Variants in GRM5 observed in about 807,000 individuals in gnomAD.
GRM5 encodes the protein metabotropic glutamate receptor 5.
GRM5 carries 19 observed loss-of-function variants against 83.1 expected under a neutral mutation model. That is an observed-to-expected ratio of 0.23 (90% CI 0.16 to 0.34). The LOEUF (loss-of-function observed/expected upper bound fraction) is 0.34. Ranked by LOEUF, GRM5 falls within the 10% of genes least tolerant of loss-of-function variation. GRM5 has a pLI of 1.00. For missense variants in GRM5, 1,160 were observed against 1,588.3 expected (o/e 0.73, Z 4.58); for synonymous variants, 675 against 633.6 (o/e 1.07, Z -0.98).
At chr11:88,516,850 C>T (rs2135089680) in intron 9 of GRM5, among the ~76,000 whole-genome samples, 1 of 152,046 alleles carries the variant, frequency 6.6e-6, no homozygotes, top group African/African-American at 2.4e-5. Context: ...TTAAATCTAC[C>T]ATGGACACCA....
intron 2 of GRM5, among the ~76,000 whole-genome samples, chr11:89,028,381 G>T (rs1008524651): frequency 3.9e-5 from 6 of 152,248 alleles, no homozygotes; most frequent in Admixed American, 3.3e-4. Flanking sequence ...CCAGGAGTTT[G>T]AGGCCAGCCT....
intron 5 of GRM5, among the ~76,000 whole-genome samples, chr11:88,603,735 G>T (rs887136674): frequency 6.6e-6 from 1 of 152,194 alleles, no homozygotes; most frequent in East Asian, 1.9e-4. Flanking sequence ...TTTGGGATAA[G>T]CTCCAGCTCA....
At chr11:88,640,914 G>T (rs549298421) in intron 4 of GRM5, among the ~76,000 whole-genome samples, 12 of 152,250 alleles carry the variant, frequency 7.9e-5, no homozygotes, top group African/African-American at 2.9e-4. Flanking sequence ...AATTAGACAT[G>T]ACTGACAATA....
chr11:88,816,512 G>A (rs1296767694), intron 3 of GRM5, among the ~76,000 whole-genome samples: 5 of 143,298 alleles, frequency 3.5e-5, no homozygotes, highest in Admixed American at 1.4e-4. Context: ...GCACTCCAGC[G>A]TGGGCAACAG....
chr11:88,799,301 T>C (rs1259915167), intron 3 of GRM5, among the ~76,000 whole-genome samples: 1 of 152,070 alleles, frequency 6.6e-6, no homozygotes, highest in African/African-American at 2.4e-5. Context: ...AAAATGAAGA[T>C]TTAAAGCTAA....
chr11:88,717,734 T>C (rs1941430208), intron 3 of GRM5, among the ~76,000 whole-genome samples: 1 of 151,848 alleles, frequency 6.6e-6, no homozygotes, highest in South Asian at 2.1e-4. Flanking sequence ...CAAGGAAATG[T>C]ATATATACAT....
chr11:88,860,723 T>G (rs1944546814), intron 2 of GRM5, among the ~76,000 whole-genome samples: 1 of 152,182 alleles, frequency 6.6e-6, no homozygotes. Flanking sequence ...CTAAACAAAG[T>G]ACTGAGAGGA....
chr11:88,697,622 A>C (rs1940933152), intron 3 of GRM5, among the ~76,000 whole-genome samples: 1 of 152,214 alleles, frequency 6.6e-6, no homozygotes, highest in Non-Finnish European at 1.5e-5. Context: ...ATGTGATATG[A>C]AACTTACTTG....
At chr11:88,677,167 T>C (rs1303081993) in intron 3 of GRM5, among the ~76,000 whole-genome samples, 2 of 152,088 alleles carry the variant, frequency 1.3e-5, no homozygotes, top group Non-Finnish European at 2.9e-5. Context: ...AGAAGATATA[T>C]ATACAACATG....
chr11:88,723,285 G>T (rs558179304), intron 3 of GRM5, among the ~76,000 whole-genome samples: 1 of 152,128 alleles, frequency 6.6e-6, no homozygotes, highest in East Asian at 1.9e-4. Flanking sequence ...CCCACTGAAG[G>T]ACATCTTGGT....
At chr11:89,048,169 G>A (rs776059861) in intron 1 of GRM5, 97 bp from the exon 2 acceptor site, 5 of 291,964 alleles carry the variant, frequency 1.7e-5, no homozygotes, top group Non-Finnish European at 2.5e-5. Context: ...ATATTTTGAT[G>A]ATGCAGATAA....
intron 7 of GRM5, among the ~76,000 whole-genome samples, chr11:88,573,931 T>C (rs2135182456): frequency 6.6e-6 from 1 of 152,382 alleles, no homozygotes; most frequent in South Asian, 2.1e-4. Flanking sequence ...TTTTCTTTAC[T>C]TAGCCTGAGC....
At chr11:88,766,467 T>C (rs1942626436) in intron 3 of GRM5, among the ~76,000 whole-genome samples, 1 of 152,006 alleles carries the variant, frequency 6.6e-6, no homozygotes, top group African/African-American at 2.4e-5. Flanking sequence ...ATGAACTCTA[T>C]TCACTTAATG....
At chr11:88,863,849 C>A (rs1944612307) in intron 2 of GRM5, among the ~76,000 whole-genome samples, 1 of 151,748 alleles carries the variant, frequency 6.6e-6, no homozygotes, top group Non-Finnish European at 1.5e-5. Flanking sequence ...CAACACTGGA[C>A]TATGCCAATA....
intron 2 of GRM5, among the ~76,000 whole-genome samples, chr11:88,911,706 C>T (rs1222108539): frequency 6.6e-6 from 1 of 152,080 alleles, no homozygotes; most frequent in Non-Finnish European, 1.5e-5. Flanking sequence ...GCAAGTTGAA[C>T]CAGATCACTG....
intron 2 of GRM5, among the ~76,000 whole-genome samples, chr11:88,854,838 A>G (rs577244662): frequency 7.0e-4 from 107 of 152,124 alleles, no homozygotes; most frequent in Middle Eastern, 3.4e-3. Context: ...CCTAGGAAAA[A>G]TGTTTTATTT....
intron 4 of GRM5, among the ~76,000 whole-genome samples, chr11:88,628,978 T>C (rs74522742): frequency 0.023 from 3,562 of 152,256 alleles, 125 homozygotes; most frequent in African/African-American, 0.079. Context: ...GTAGCACACA[T>C]CACTTTAGCT....
chr11:88,641,669 T>C (rs1040406666), intron 4 of GRM5, among the ~76,000 whole-genome samples: 2 of 152,184 alleles, frequency 1.3e-5, no homozygotes, highest in Admixed American at 6.5e-5. Context: ...ACAGGACCCA[T>C]TCAAGTTTGA....
rs573033128 is a variant in GRM5 at position 88,850,109 on chromosome 11, C to T, written c.708G>A (p.Ala236=). The T allele has an allele frequency of 1.2e-5, 16 of 1,379,110 alleles. No individual in the cohort carries two copies. The highest frequency in any genetic ancestry group is 1.2e-4 in the South Asian group (10 of 86,438). The allele number at this position is 1,379,110 out of a possible 1,614,324, so 85.4% of individuals were successfully genotyped here. Residue 236 remains alanine, a synonymous_variant, in exon 3 of 10, where the codon GCG becomes GCA. Coordinates refer to ENST00000305447, the MANE Select transcript of GRM5 (RefSeq NM_001143831.3). ...AGTGGGCGATGCAAATCCCTTCCTT[C>T]GCTGACATATCTTTGAAGGCTTCCA... The part of the protein sequence containing the change: ...SGMEAFKDMS[A]KEGICIAHSY...
Sources: gnomAD v4.1 joint callset for allele counts (sites outside exome capture counted in the v4.1 genomes callset) on GRCh38, gnomAD v4.1.1 for gene constraint, MANE v1.5 for transcripts, NCBI Gene and HGNC (gene_info 2026-07-23, HGNC 2026-07-21) for gene names.